The following RUFY4 variants were observed in gnomAD, a reference collection of about 807,000 sequenced individuals.
RUFY4 encodes RUN and FYVE domain-containing protein 4.
In RUFY4, 73 loss-of-function variants were observed where a neutral mutation model predicts 69.0. The observed-to-expected ratio is 1.06, with a 90% CI of 0.88 to 1.29. RUFY4 has a LOEUF of 1.29. RUFY4 is among the 50% of genes most tolerant of loss of function. The pLI is 0.00. For missense variants in RUFY4, 770 were observed against 705.6 expected, an observed-to-expected ratio of 1.09 and a Z score of -1.03; for synonymous variants, 287 against 271.8, an observed-to-expected ratio of 1.06 and a Z score of -0.55.
intron 9 of RUFY4, among the ~76,000 whole-genome samples, chr2:218,084,615 A>T (rs1237145890): frequency 6.6e-6 from 1 of 152,226 alleles, no homozygotes; most frequent in African/African-American, 2.4e-5. Flanking sequence ...TAATTTAAGG[A>T]ATAGTTCCTC....
chr2:218,070,576 T>C (rs13385042), exon 1 of RUFY4: 222,852 of 1,533,026 alleles, frequency 0.15, 21,714 homozygotes, highest in African/African-American at 0.43. Flanking sequence ...CAGTCCAAGT[T>C]GCAAGGAATC....
At chr2:218,074,241 A>T (rs1050097626) in intron 6 of RUFY4, among the ~76,000 whole-genome samples, 2 of 152,170 alleles carry the variant, frequency 1.3e-5, no homozygotes, top group Admixed American at 6.5e-5. Flanking sequence ...CAATTGACAC[A>T]TGACTCAGTT....
chr2:218,055,879 A>G (rs545781760), intron 2 of RUFY4, among the ~76,000 whole-genome samples: 1 of 152,308 alleles, frequency 6.6e-6, no homozygotes, highest in South Asian at 2.1e-4. Context: ...TCCATATGGT[A>G]ATACGACTCC....
Position 218,035,612 on chromosome 2 carries a change from C to T in RUFY4, c.-1158+218C>T, listed in dbSNP as rs141182466. Reference sequence around the variant, plus strand: ...AGCAGCCACAGCCCGGGAGGCAGGACACCTGGGTTTTCCGCTCCATGCCTG... The same window carrying T: ...AGCAGCCACAGCCCGGGAGGCAGGATACCTGGGTTTTCCGCTCCATGCCTG... On this transcript the variant is annotated intron_variant and NMD_transcript_variant, in intron 2 of 13. Coordinates refer to the RUFY4 transcript ENST00000457754. Among the ~76,000 whole-genome samples, 918 of 152,300 alleles carry T rather than the reference C, an allele frequency of 6.0e-3. 16 individuals carry two copies. Among genetic ancestry groups the T allele is most frequent in the African/African-American group, 0.021 (867 of 41,550 alleles).
rs987626471 is a variant in RUFY4, at chr2:218,090,015, C to T, written c.1677C>T (p.Cys559=). Residue 559 remains cysteine (C), a synonymous_variant, in exon 11 of 11, where the codon TGC becomes TGT. Coordinates refer to ENST00000344321, the Ensembl canonical transcript of RUFY4. ...ATTACAAGAAGAGAGACCGCTGCTG[C>T]CCACCCTGCGCCCAGGGAAGAGAAG... 5.1e-6 allele frequency: 8 copies of T among 1,563,460 alleles called. No individual in the cohort carries two copies. The highest frequency in any genetic ancestry group is 1.7e-4 in the Middle Eastern group (1 of 5,944).
chr2:218,071,443 C>T (rs1689485946), intron 2 of RUFY4, among the ~76,000 whole-genome samples: 1 of 152,116 alleles, frequency 6.6e-6, no homozygotes, highest in Non-Finnish European at 1.5e-5. Context: ...GCTCTCCCCT[C>T]TACTTAGAAT....
At chr2:218,053,326 A>G (rs1032223397) in intron 2 of RUFY4, among the ~76,000 whole-genome samples, 2 of 150,926 alleles carry the variant, frequency 1.3e-5, no homozygotes, top group Non-Finnish European at 2.9e-5. Context: ...GCACTGTCAA[A>G]TAACGAAATG....
intron 4 of RUFY4, 137 bp from the exon 7 acceptor site, chr2:218,073,106 C>G: frequency 8.2e-7 from 1 of 1,223,494 alleles, no homozygotes; most frequent in African/African-American, 1.5e-5. Flanking sequence ...AGGGCCACAA[C>G]TCTGCCTGGG....
At chr2:218,081,887 T>C (rs1431626809) in intron 8 of RUFY4, among the ~76,000 whole-genome samples, 1 of 152,172 alleles carries the variant, frequency 6.6e-6, no homozygotes, top group African/African-American at 2.4e-5. Flanking sequence ...AAAGGGGGTG[T>C]TTTAAAATTA....
chr2:218,037,808 A>G (rs1487176754), intron 2 of RUFY4, among the ~76,000 whole-genome samples: 2 of 152,222 alleles, frequency 1.3e-5, no homozygotes, highest in Non-Finnish European at 2.9e-5. Context: ...TACCATACCA[A>G]CAAGAATACT....
At chr2:218,076,477 G>A (rs1314429749) in exon 8 of RUFY4, 27 of 1,550,718 alleles carry the variant, frequency 1.7e-5, no homozygotes, top group Non-Finnish European at 2.4e-5. Flanking sequence ...AGCGCCAGGA[G>A]CAGCTGCTGA....
intron 2 of RUFY4, among the ~76,000 whole-genome samples, chr2:218,044,027 T>C (rs901715607): frequency 6.6e-6 from 1 of 152,240 alleles, no homozygotes; most frequent in Non-Finnish European, 1.5e-5. Context: ...GCAACCTTAC[T>C]CCATGATCGG....
chr2:218,079,654 G>A (rs778888954), intron 8 of RUFY4, among the ~76,000 whole-genome samples: 3 of 152,178 alleles, frequency 2.0e-5, no homozygotes, highest in East Asian at 1.9e-4. Flanking sequence ...AGGCTCAGAA[G>A]AGGATGTGCT....
intron 6 of RUFY4, among the ~76,000 whole-genome samples, chr2:218,074,285 C>T (rs1298292030): frequency 6.6e-6 from 1 of 152,228 alleles, no homozygotes; most frequent in South Asian, 2.1e-4. Context: ...CCAGGTTGCC[C>T]GGTTGAATTC....
intron 2 of RUFY4, 86 bp from the exon 5 acceptor site, chr2:218,072,288 G>A: frequency 6.8e-7 from 1 of 1,480,262 alleles, no homozygotes. Flanking sequence ...CTCTCCTCCA[G>A]TACATGTCCC....
chr2:218,037,723 A>T (rs760016910), intron 2 of RUFY4, among the ~76,000 whole-genome samples: 1 of 152,224 alleles, frequency 6.6e-6, no homozygotes, highest in Admixed American at 6.5e-5. Context: ...ATGCCCTAGT[A>T]ATATACCCAA....
intron 2 of RUFY4, among the ~76,000 whole-genome samples, chr2:218,035,721 G>A (rs1366132986): frequency 2.6e-5 from 4 of 152,126 alleles, no homozygotes; most frequent in Non-Finnish European, 4.4e-5. Flanking sequence ...CCATTGGGAG[G>A]AGAAGAGGAT....
chr2:218,049,905 C>G (rs528982984), intron 2 of RUFY4, among the ~76,000 whole-genome samples: 2 of 152,296 alleles, frequency 1.3e-5, no homozygotes, highest in East Asian at 3.9e-4. Context: ...GTGATAGTGA[C>G]AGGAGACAGA....
intron 8 of RUFY4, among the ~76,000 whole-genome samples, chr2:218,082,035 G>A (rs1012430619): frequency 1.8e-4 from 27 of 152,226 alleles, no homozygotes; most frequent in African/African-American, 5.5e-4. Context: ...CCATTGCAAC[G>A]CCCTCCCAGC....
Sources: allele counts gnomAD v4.1 joint callset (sites outside exome capture counted in the v4.1 genomes callset), GRCh38; gene constraint gnomAD v4.1.1; transcripts MANE v1.5; gene names NCBI Gene and HGNC (gene_info 2026-07-23, HGNC 2026-07-21).